Variants in TTC27 observed in about 807,000 individuals in gnomAD.
TTC27 encodes tetratricopeptide repeat domain 27.
TTC27 carries 79 observed loss-of-function variants against 115.9 expected under a neutral mutation model. The ratio of observed to expected loss-of-function variants is 0.68; its 90% CI spans 0.57 to 0.82. The LOEUF (loss-of-function observed/expected upper bound fraction) is 0.82. TTC27 is among the 40% of genes least tolerant of loss of function. TTC27 has a pLI of 0.00. For synonymous variants in TTC27, 401 were observed against 356.0 expected, an observed-to-expected ratio of 1.13 and a Z score of -1.42; for missense variants, 1,054 against 993.1, an observed-to-expected ratio of 1.06 and a Z score of -0.82.
intron 14 of TTC27, 69 bp downstream of exon 14, chr2:32,778,049 G>C (rs976898000): frequency 2.8e-6 from 4 of 1,445,444 alleles, no homozygotes; most frequent in Non-Finnish European, 3.8e-6. Flanking sequence ...TGTACTGTAT[G>C]GTTCAGAACA....
chr2:32,762,665 GCT>G (rs1468797037), intron 13 of TTC27, among the ~76,000 whole-genome samples: 8 of 151,122 alleles, frequency 5.3e-5, no homozygotes, highest in Non-Finnish European at 1.2e-4. Flanking sequence ...ATGGAGTCTC[GCT>G]CTGTCACCCA....
intron 13 of TTC27, among the ~76,000 whole-genome samples, chr2:32,759,886 C>T (rs987822310): frequency 7.2e-5 from 11 of 152,148 alleles, no homozygotes; most frequent in African/African-American, 2.7e-4. Flanking sequence ...AGCATAATGT[C>T]CTGAAGGTTC....
intron 9 of TTC27, among the ~76,000 whole-genome samples, chr2:32,696,029 A>G (rs1050397913): frequency 6.6e-6 from 1 of 150,714 alleles, no homozygotes; most frequent in African/African-American, 2.4e-5. Flanking sequence ...AGACTGAGGC[A>G]GGAGCATTGC....
At chr2:32,718,271 C>T (rs569537521) in intron 10 of TTC27, among the ~76,000 whole-genome samples, 2 of 152,058 alleles carry the variant, frequency 1.3e-5, no homozygotes, top group African/African-American at 2.4e-5. Flanking sequence ...ATCTTCTGTG[C>T]CTCTTCTAAG....
intron 13 of TTC27, among the ~76,000 whole-genome samples, chr2:32,764,317 C>G (rs542046037): frequency 6.6e-6 from 1 of 151,798 alleles, no homozygotes; most frequent in African/African-American, 2.4e-5. Flanking sequence ...GCAAGTCATG[C>G]GAATTTTTTG....
intron 6 of TTC27, among the ~76,000 whole-genome samples, chr2:32,665,693 G>A (rs1665747153): frequency 6.6e-6 from 1 of 152,122 alleles, no homozygotes; most frequent in Non-Finnish European, 1.5e-5. Flanking sequence ...AGGAGATCGA[G>A]ACCATCCTGG....
intron 4 of TTC27, among the ~76,000 whole-genome samples, chr2:32,644,393 A>G (rs1389111353): frequency 6.6e-6 from 1 of 151,738 alleles, no homozygotes; most frequent in Non-Finnish European, 1.5e-5. Context: ...GAAAAATAAT[A>G]TATATACTGT....
At chr2:32,653,799 T>C (rs1033546305) in intron 5 of TTC27, among the ~76,000 whole-genome samples, 5 of 152,204 alleles carry the variant, frequency 3.3e-5, no homozygotes, top group African/African-American at 1.2e-4. Flanking sequence ...GGTTTTAGCA[T>C]ACATTTTAAG....
rs770621313 is a variant in TTC27, at chr2:32,746,563, CAAAAA to C, written c.1452+9762_1452+9766del. ...TGGCAATAAGAGTGAAACTCCATCT[CAAAAA>C]AAAAAAAAAAAAAAGAATGCACATC... is the stretch of plus-strand genomic sequence containing the variant. On this transcript the variant is annotated intron_variant, in intron 12 of 19. Transcript: ENST00000317907. Among the ~76,000 whole-genome samples the C allele has an allele frequency of 3.5e-3, 164 of 46,310 alleles. 5 individuals are homozygous for C. Among genetic ancestry groups the C allele is most frequent in the Middle Eastern group, 0.019 (1 of 52 alleles). 30.4% of individuals were successfully genotyped at this position (46,310 alleles called of 152,430 possible). A position where few individuals can be genotyped will look rare whatever the true frequency, so the allele number is the denominator to read the frequency against.
At chr2:32,768,827 A>G (rs546912419) in intron 13 of TTC27, among the ~76,000 whole-genome samples, 22 of 152,316 alleles carry the variant, frequency 1.4e-4, no homozygotes, top group Non-Finnish European at 4.4e-5. Context: ...AGACGTTGGA[A>G]TCAGAGAGGA....
At chr2:32,754,169 T>G (rs1283469520) in intron 12 of TTC27, among the ~76,000 whole-genome samples, 1 of 150,280 alleles carries the variant, frequency 6.7e-6, no homozygotes, top group South Asian at 2.1e-4. Context: ...TTTTAATTGA[T>G]CATTCTTGGG....
At chr2:32,732,552 CT>C (rs982753765) in intron 10 of TTC27, among the ~76,000 whole-genome samples, 2 of 151,484 alleles carry the variant, frequency 1.3e-5, no homozygotes, top group East Asian at 1.9e-4. Flanking sequence ...GATTCCCGTC[CT>C]TTTTTTTTCT....
At chr2:32,756,063 A>G (rs375150645) in intron 12 of TTC27, among the ~76,000 whole-genome samples, 7 of 152,226 alleles carry the variant, frequency 4.6e-5, no homozygotes, top group Non-Finnish European at 7.3e-5. Context: ...TCAGATACCA[A>G]TCACACATTT....
chr2:32,670,167 C>T (rs966323931), intron 7 of TTC27, among the ~76,000 whole-genome samples: 6 of 151,880 alleles, frequency 4.0e-5, no homozygotes, highest in African/African-American at 1.2e-4. Context: ...CATGAGCCAC[C>T]GCACCTGGCT....
chr2:32,704,835 A>G (rs1373908645), intron 10 of TTC27: 2 of 469,404 alleles, frequency 4.3e-6, no homozygotes, highest in Non-Finnish European at 8.8e-6. Context: ...TATTGTAGAA[A>G]TGATGTAGTA....
At chr2:32,746,786 A>C (rs1273605238) in intron 12 of TTC27, among the ~76,000 whole-genome samples, 1 of 152,074 alleles carries the variant, frequency 6.6e-6, no homozygotes, top group African/African-American at 2.4e-5. Context: ...AATTGAGTGG[A>C]TAAGTGGAGG....
chr2:32,747,169 G>T (rs77128626), intron 12 of TTC27, among the ~76,000 whole-genome samples: 1 of 152,092 alleles, frequency 6.6e-6, no homozygotes, highest in African/African-American at 2.4e-5. Flanking sequence ...AAAGAGTTGC[G>T]GTGGGTGGGA....
At chr2:32,782,541 T>G in intron 14 of TTC27, 85 bp from the exon 15 acceptor site, 1 of 1,177,292 alleles carries the variant, frequency 8.5e-7, no homozygotes, top group Admixed American at 1.9e-5. Context: ...TATATTGGAC[T>G]AGGAGAGTGT....
At chr2:32,694,674 C>CTTTTTTTT (rs200028307) in intron 9 of TTC27, among the ~76,000 whole-genome samples, 1 of 135,554 alleles carries the variant, frequency 7.4e-6, no homozygotes. Flanking sequence ...ATTCCTATTT[C>CTTTTTTTT]TTTTTTTTTT....
Sources: gnomAD v4.1 joint callset for allele counts (sites outside exome capture counted in the v4.1 genomes callset) on GRCh38, gnomAD v4.1.1 for gene constraint, MANE v1.5 for transcripts, NCBI Gene and HGNC (gene_info 2026-07-23, HGNC 2026-07-21) for gene names.